NCK2: variants seen among roughly 807,000 people sequenced by gnomAD.
The protein encoded by NCK2 is NCK adaptor protein 2, also known as cytoplasmic protein NCK2.
Under a neutral mutation model 33.9 loss-of-function variants are expected in NCK2, and 16 were observed. That is an observed-to-expected ratio of 0.47 (90% CI 0.32 to 0.72). NCK2 has a LOEUF of 0.72. NCK2 is among the 30% of genes least tolerant of loss of function. The probability of loss-of-function intolerance (pLI) is 0.03; values close to 1 mark genes in which losing one functional copy is unlikely to be tolerated. For synonymous variants in NCK2, 273 were observed against 239.9 expected (o/e 1.14, Z -1.27); for missense variants, 418 against 537.3 (o/e 0.78, Z 2.19).
At chr2:105,859,227 G>A (rs1347110193) in intron 3 of NCK2, among the ~76,000 whole-genome samples, 7 of 152,154 alleles carry the variant, frequency 4.6e-5, no homozygotes, top group Admixed American at 4.6e-4. Flanking sequence ...GACACCAGCT[G>A]GAGCCTTGCA....
At chr2:105,772,132 T>C (rs2104382920) in intron 1 of NCK2, among the ~76,000 whole-genome samples, 1 of 150,650 alleles carries the variant, frequency 6.6e-6, no homozygotes, top group Non-Finnish European at 1.5e-5. Context: ...TTGCAGAGGC[T>C]GAGAATGCTG....
chr2:105,808,194 G>T (rs541438424), intron 1 of NCK2, among the ~76,000 whole-genome samples: 1 of 152,250 alleles, frequency 6.6e-6, no homozygotes, highest in South Asian at 2.1e-4. Flanking sequence ...CACTGTGCCT[G>T]GCCTCTTTCT....
At chr2:105,836,508 G>C (rs1386436152) in intron 2 of NCK2, among the ~76,000 whole-genome samples, 1 of 152,206 alleles carries the variant, frequency 6.6e-6, no homozygotes, top group Admixed American at 6.5e-5. Context: ...GGCTGCGTAT[G>C]TGGCAGCTTA....
chr2:105,777,797 A>G (rs984788225), intron 1 of NCK2, among the ~76,000 whole-genome samples: 1 of 152,154 alleles, frequency 6.6e-6, no homozygotes, highest in African/African-American at 2.4e-5. Context: ...CCTGTCAAGC[A>G]GGAAACAAAC....
At chr2:105,880,421 G>A (rs1171446882) in intron 3 of NCK2, among the ~76,000 whole-genome samples, 1 of 152,202 alleles carries the variant, frequency 6.6e-6, no homozygotes, top group Non-Finnish European at 1.5e-5. Context: ...TGAAAGAAGA[G>A]AAGGATTGTA....
intron 2 of NCK2, among the ~76,000 whole-genome samples, chr2:105,817,247 C>A (rs747304524): frequency 3.3e-5 from 5 of 151,092 alleles, no homozygotes; most frequent in Non-Finnish European, 7.4e-5. Context: ...TTTACCTGTT[C>A]ATATGAAAAA....
At chr2:105,890,095 C>G (rs143279923) in intron 4 of NCK2, among the ~76,000 whole-genome samples, 1 of 152,224 alleles carries the variant, frequency 6.6e-6, no homozygotes, top group East Asian at 1.9e-4. Context: ...GAACACTCCC[C>G]AACTTTTAGC....
intron 4 of NCK2, among the ~76,000 whole-genome samples, chr2:105,888,269 G>A (rs546095736): frequency 1.6e-3 from 249 of 152,256 alleles, no homozygotes; most frequent in African/African-American, 5.5e-3. Context: ...TATGAGAATG[G>A]AAAAATCATT....
At chr2:105,794,757 C>T (rs1216078998) in intron 1 of NCK2, among the ~76,000 whole-genome samples, 1 of 151,912 alleles carries the variant, frequency 6.6e-6, no homozygotes, top group Non-Finnish European at 1.5e-5. Flanking sequence ...GTCACCCAGG[C>T]TGGAGTGCAG....
chr2:105,887,438 T>C lies in NCK2; in HGVS notation c.948+5389T>C, dbSNP rs150772481. Among the ~76,000 whole-genome samples, 4 of 152,192 alleles carry C rather than the reference T, an allele frequency of 2.6e-5. No individual in the cohort carries two copies. In the East Asian group the frequency reaches 7.7e-4, roughly 29 times the overall value. On this transcript the variant is annotated intron_variant, in intron 4 of 4. Transcript: ENST00000233154. ...AAGGAGATGTGTAGATTATTGATGC[T>C]TGGAGACTTCAGCGTGGCTGGAGAT...
At chr2:105,792,615 C>A (rs934777348) in intron 1 of NCK2, among the ~76,000 whole-genome samples, 3 of 149,626 alleles carry the variant, frequency 2.0e-5, no homozygotes, top group Non-Finnish European at 4.4e-5. Flanking sequence ...TTTTTTTTTT[C>A]CACCTTCCCC....
chr2:105,873,586 T>C (rs1678110363), intron 3 of NCK2, among the ~76,000 whole-genome samples: 2 of 152,080 alleles, frequency 1.3e-5, no homozygotes, highest in South Asian at 4.1e-4. Flanking sequence ...CGTTTTCAGA[T>C]GGGAATCAAC....
intron 2 of NCK2, among the ~76,000 whole-genome samples, chr2:105,851,400 A>C (rs1162281385): frequency 3.9e-5 from 6 of 151,948 alleles, no homozygotes; most frequent in African/African-American, 1.5e-4. Flanking sequence ...AGTAGCTGGG[A>C]CTACAGGAGC....
chr2:105,884,866 A>G (rs1678659923), intron 4 of NCK2, among the ~76,000 whole-genome samples: 1 of 152,070 alleles, frequency 6.6e-6, no homozygotes, highest in Non-Finnish European at 1.5e-5. Flanking sequence ...AAGGTGATGC[A>G]TTGTTGTTGC....
At chr2:105,870,297 C>T (rs1410629798) in intron 3 of NCK2, among the ~76,000 whole-genome samples, 1 of 152,236 alleles carries the variant, frequency 6.6e-6, no homozygotes, top group Non-Finnish European at 1.5e-5. Context: ...CTAACCCCCA[C>T]CCAGGCAGGG....
intron 1 of NCK2, among the ~76,000 whole-genome samples, chr2:105,788,202 G>A (rs1690748885): frequency 6.6e-6 from 1 of 152,206 alleles, no homozygotes; most frequent in Non-Finnish European, 1.5e-5. Context: ...TATGTGAATT[G>A]GAGACAAAAG....
intron 3 of NCK2, among the ~76,000 whole-genome samples, chr2:105,877,672 A>C (rs1678293827): frequency 6.6e-6 from 1 of 152,170 alleles, no homozygotes; most frequent in Non-Finnish European, 1.5e-5. Flanking sequence ...TTGGCACCCC[A>C]ATTCAGAGTC....
At chr2:105,846,831 A>G (rs1676872314) in intron 2 of NCK2, 2 of 152,252 alleles carry the variant, frequency 1.3e-5, no homozygotes, top group Non-Finnish European at 1.5e-5. Flanking sequence ...TATACACCCA[A>G]TGGACTGGAA....
chr2:105,862,737 G>A (rs961541497), intron 3 of NCK2, among the ~76,000 whole-genome samples: 2 of 152,180 alleles, frequency 1.3e-5, no homozygotes, highest in Non-Finnish European at 2.9e-5. Context: ...TAAAGTATTC[G>A]GGTAATGGAA....
Sources: allele counts gnomAD v4.1 joint callset (sites outside exome capture counted in the v4.1 genomes callset), GRCh38; gene constraint gnomAD v4.1.1; transcripts MANE v1.5; gene names NCBI Gene and HGNC (gene_info 2026-07-23, HGNC 2026-07-21).